Variants in NSMCE1 observed in about 807,000 individuals in gnomAD.
The protein encoded by NSMCE1 is NSE1 component of SMC5/6 complex.
A neutral mutation model predicts 29.6 loss-of-function variants in NSMCE1; 18 were observed. The observed-to-expected ratio is 0.61, with a 90% CI of 0.42 to 0.90. The LOEUF is 0.90. Ranked by LOEUF, NSMCE1 falls within the 40% of genes least tolerant of loss-of-function variation. The pLI, the probability that NSMCE1 is intolerant of heterozygous loss-of-function variation, is 0.00. For synonymous variants in NSMCE1, 124 were observed against 133.4 expected (o/e 0.93, Z 0.49); for missense variants, 314 against 343.6 (o/e 0.91, Z 0.68).
At chr16:27,261,424 G>T (rs1018944271) in intron 1 of NSMCE1, among the ~76,000 whole-genome samples, 1 of 151,524 alleles carries the variant, frequency 6.6e-6, no homozygotes, top group African/African-American at 2.4e-5. Flanking sequence ...ACAAATATCT[G>T]CAATTAACAT....
At chr16:27,268,202 T>C (rs1442688657) in intron 1 of NSMCE1, 2 of 152,144 alleles carry the variant, frequency 1.3e-5, no homozygotes, top group African/African-American at 4.8e-5. Flanking sequence ...TAAACGCATC[T>C]GGCCTCGGGG....
At chr16:27,238,315 C>T (rs981795276) in intron 2 of NSMCE1, among the ~76,000 whole-genome samples, 6 of 152,172 alleles carry the variant, frequency 3.9e-5, no homozygotes, top group African/African-American at 1.4e-4. Context: ...CTACCACCAC[C>T]CCTGGCTGGA....
chr16:27,241,036 T>G (rs2083888201), intron 2 of NSMCE1, among the ~76,000 whole-genome samples: 1 of 152,200 alleles, frequency 6.6e-6, no homozygotes, highest in South Asian at 2.1e-4. Flanking sequence ...ATCGCATCAC[T>G]GCATTCTAGC....
chr16:27,257,393 C>T (rs2084098560), intron 2 of NSMCE1, 42 bp downstream of exon 2: 1 of 1,566,840 alleles, frequency 6.4e-7, no homozygotes. Flanking sequence ...CCCTGATCAA[C>T]ACAGCACCAG....
rs2083962108 is a variant in NSMCE1, at chr16:27,246,689, C to T, written c.136+10746G>A. 1.3e-5 allele frequency among the ~76,000 whole-genome samples: 2 copies of T among 152,080 alleles called. 1 individual carries two copies. The highest frequency in any genetic ancestry group is 4.2e-4 in the South Asian group (2 of 4,814). ...ATTTTATGTAGATACAGTGTTTCGC[C>T]ATGTTGCCCAGGTTTGTCTCAAACT... On this transcript the variant is annotated intron_variant, in intron 2 of 7. Coordinates refer to ENST00000361439, the MANE Select transcript of NSMCE1 (RefSeq NM_145080.4).
Position 27,257,525 on chromosome 16 carries a change from G to A in NSMCE1, c.46C>T (p.Arg16Trp), listed in dbSNP as rs747364953. The change falls in exon 2 of 8, where the codon CGG (arginine) becomes TGG (tryptophan). Residue 16 changes from arginine to tryptophan, a missense_variant. Physicochemically the swap from Arg to Trp is moderately radical, Grantham distance 101. Transcript: ENST00000361439. ...RRMGVMTDVH[R>W]RFLQLLMTHG... ...GTCATCAGCAACTGGAGGAAGCGCC[G>A]GTGGACATCAGTCATGACGCCCATT... The A allele has an allele frequency of 1.3e-5, 21 of 1,613,808 alleles. No homozygotes were observed. Among genetic ancestry groups the A allele is most frequent in the Admixed American group, 1.7e-5 (1 of 59,966 alleles).
chr16:27,251,173 TA>T (rs2084026370), intron 2 of NSMCE1, among the ~76,000 whole-genome samples: 1 of 50,740 alleles, frequency 2.0e-5, no homozygotes, highest in African/African-American at 2.3e-4. Context: ...TATATATATA[TA>T]TATATATATA....
chr16:27,260,140 A>T (rs1381149324), intron 1 of NSMCE1, among the ~76,000 whole-genome samples: 1 of 152,250 alleles, frequency 6.6e-6, no homozygotes, highest in Non-Finnish European at 1.5e-5. Flanking sequence ...ATAAAACAGT[A>T]AAAATCAGAA....
At position 27,251,165 on chromosome 16, in the gene NSMCE1, TATATATATATATATATATATATATAA is replaced by T. The variant is rs1329863008; in HGVS notation, c.136+6244_136+6269del. 1.7e-3 allele frequency among the ~76,000 whole-genome samples: 105 copies of T among 63,068 alleles called. 1 individual carries two copies. In the African/African-American group the frequency reaches 0.019, roughly 11 times the overall value. 41.4% of individuals were successfully genotyped at this position (63,068 alleles called of 152,430 possible). A position where few individuals can be genotyped will look rare whatever the true frequency, so the allele number is the denominator to read the frequency against. ...CTTAATTTTAATTATTTAAAATATA[TATATATATATATATATATATATATAA>T]ATATATATATATATATAAAACTCTG... On this transcript the variant is annotated intron_variant, in intron 2 of 7. Transcript: ENST00000361439.
intron 1 of NSMCE1, among the ~76,000 whole-genome samples, chr16:27,266,104 G>A (rs7195953): frequency 0.33 from 50,523 of 151,934 alleles, 8,575 homozygotes; most frequent in East Asian, 0.51. Flanking sequence ...TGGGCATGGT[G>A]ATTCACACCT....
intron 2 of NSMCE1, among the ~76,000 whole-genome samples, chr16:27,251,100 C>A (rs1004894260): frequency 6.9e-6 from 1 of 145,644 alleles, no homozygotes. Flanking sequence ...CTCAGCCTCC[C>A]AAAGTGCTGG....
At position 27,257,521 on chromosome 16, in the gene NSMCE1, C is replaced by G; in HGVS notation, c.50G>C (p.Arg17Pro). 6.2e-7 allele frequency: 1 copy of G among 1,613,890 alleles called. No individual in the cohort carries two copies. Among genetic ancestry groups the G allele is most frequent in the Non-Finnish European group, 8.5e-7 (1 of 1,179,860 alleles). Residue 17 changes from arginine to proline, a missense_variant, in exon 2 of 8, where the codon CGC becomes CCC. Physicochemically the swap from Arg to Pro is moderately radical, Grantham distance 103. Coordinates refer to ENST00000361439, the MANE Select transcript of NSMCE1 (RefSeq NM_145080.4). ...RMGVMTDVHR[R>P]FLQLLMTHGV... is the part of the protein sequence containing the mutation. ...ATGGGTCATCAGCAACTGGAGGAAG[C>G]GCCGGTGGACATCAGTCATGACGCC...
At chr16:27,250,531 C>T (rs1224059704) in intron 2 of NSMCE1, among the ~76,000 whole-genome samples, 1 of 151,034 alleles carries the variant, frequency 6.6e-6, no homozygotes, top group Non-Finnish European at 1.5e-5. Context: ...GTGGCTCATG[C>T]CTGTAATCCC....
chr16:27,262,889 G>A (rs2084175958), intron 1 of NSMCE1, among the ~76,000 whole-genome samples: 1 of 152,016 alleles, frequency 6.6e-6, no homozygotes, highest in South Asian at 2.1e-4. Flanking sequence ...CAAAGGACAT[G>A]AACCAACATT....
In NSMCE1 at chr16:27,235,202, A is replaced by G; in HGVS notation, c.234T>C (p.Asp78=). 1 of 1,613,988 alleles carries G rather than the reference A, an allele frequency of 6.2e-7. No individual in the cohort carries two copies. The highest frequency in any genetic ancestry group is 8.5e-7 in the Non-Finnish European group (1 of 1,179,966). ...CCAACGCATAAATGGGTCTCCCATC[A>G]TCTTCCGTGACTCCTCTCTTTATCT... The part of the protein sequence containing the change: ...YIEIKRGVTE[D]DGRPIYALVN... Residue 78 remains aspartate (D), a synonymous_variant, in exon 3 of 8, where the codon GAT becomes GAC. Transcript: ENST00000361439.
chr16:27,227,501 A>G (rs2083711115), intron 5 of NSMCE1, among the ~76,000 whole-genome samples: 1 of 152,186 alleles, frequency 6.6e-6, no homozygotes, highest in Non-Finnish European at 1.5e-5. Context: ...CCGGAAGCAC[A>G]AGAACAATGC....
At chr16:27,234,304 T>G (rs371404987) in intron 3 of NSMCE1, 39 bp from the exon 4 acceptor site, 15 of 1,417,592 alleles carry the variant, frequency 1.1e-5, no homozygotes, top group Non-Finnish European at 1.5e-5. Context: ...GCTGTGCTCT[T>G]TGCGTGTTGG....
At chr16:27,226,107 T>C (rs901871648) in intron 6 of NSMCE1, 10 of 363,476 alleles carry the variant, frequency 2.8e-5, no homozygotes, top group African/African-American at 1.5e-4. Flanking sequence ...ACTCCTGCAC[T>C]CAGATCCTGC....
chr16:27,258,805 C>T (rs1393486316), intron 1 of NSMCE1, among the ~76,000 whole-genome samples: 1 of 151,726 alleles, frequency 6.6e-6, no homozygotes, highest in Admixed American at 6.6e-5. Context: ...GGCTGGAGTG[C>T]AGTGGCGTGA....
Sources: allele counts gnomAD v4.1 joint callset (sites outside exome capture counted in the v4.1 genomes callset), GRCh38; gene constraint gnomAD v4.1.1; transcripts MANE v1.5; gene names NCBI Gene and HGNC (gene_info 2026-07-23, HGNC 2026-07-21).